Variants in MORC1 observed in about 807,000 individuals in gnomAD.
The protein encoded by MORC1 is MORC family CW-type zinc finger 1, also known as MORC family CW-type zinc finger protein 1.
MORC1 carries 59 observed loss-of-function variants against 134.9 expected under a neutral mutation model. That is an observed-to-expected ratio of 0.44 (90% CI 0.35 to 0.54). The LOEUF is 0.54. Among genes scored for constraint, MORC1 ranks in the 20% least tolerant of loss-of-function variants. The pLI, the probability that MORC1 is intolerant of heterozygous loss-of-function variation, is 0.00. For synonymous variants in MORC1, 395 were observed against 391.7 expected (o/e 1.01, Z -0.10); for missense variants, 947 against 1,134.5 (o/e 0.83, Z 2.37).
intron 3 of MORC1, among the ~76,000 whole-genome samples, chr3:109,106,835 G>A (rs946453390): frequency 6.6e-6 from 1 of 152,138 alleles, no homozygotes; most frequent in Admixed American, 6.5e-5. Context: ...ACAGGGTGCA[G>A]CCAGTCTTCC....
At chr3:109,054,946 C>G in intron 13 of MORC1, 64 bp from the exon 14 acceptor site, 1 of 1,408,532 alleles carries the variant, frequency 7.1e-7, no homozygotes, top group Non-Finnish European at 9.7e-7. Context: ...CAAATATATT[C>G]TGGTCATTTG....
chr3:109,043,179 GGCAAAA>G lies in MORC1; in HGVS notation c.1331-7717_1331-7712del, dbSNP rs1559914977. 1.6e-3 allele frequency among the ~76,000 whole-genome samples: 44 copies of G among 26,672 alleles called. 1 individual carries two copies. The highest frequency in any genetic ancestry group is 4.8e-3 in the African/African-American group (42 of 8,666). The allele number at this position is 26,672 out of a possible 152,430, so 17.5% of individuals were successfully genotyped here. A position where few individuals can be genotyped will look rare whatever the true frequency, so the allele number is the denominator to read the frequency against. ...ACAGATGAATGGATAAGCAAAATGT[GGCAAAA>G]TGTGGGGGGGGGGGGGTGTGTATAA... is the stretch of plus-strand genomic sequence containing the variant. On this transcript the variant is annotated intron_variant, in intron 14 of 27. Transcript: ENST00000232603.
rs375007048 is a variant in MORC1 at position 109,077,567 on chromosome 3, A to T, written c.690-7810T>A. On this transcript the variant is annotated intron_variant, in intron 8 of 27. Transcript: ENST00000232603. ...TAAAACTAATCCACTGAAAGTATAT[A>T]ATGGAGCAACTAATTTGCAAATCAT... Among the ~76,000 whole-genome samples the T allele has an allele frequency of 5.9e-5, 9 of 152,264 alleles. No homozygotes were observed. The East Asian group carries it at 1.3e-3, about 23-fold the overall frequency.
rs1482550039 is a variant in MORC1 at position 109,005,621 on chromosome 3, T to TC, written c.1768-307dup. ...CAATAGAGGTTCGCTTGCCTTTGGCTCCCCGCTGCAAACAAGGCTGGTCGT... is the reference window on the plus strand; with the variant it reads ...CAATAGAGGTTCGCTTGCCTTTGGCTCCCCCGCTGCAAACAAGGCTGGTCGT... On this transcript the variant is annotated intron_variant, in intron 18 of 27. Coordinates refer to ENST00000232603, the MANE Select transcript of MORC1 (RefSeq NM_014429.4). Among the ~76,000 whole-genome samples the TC allele has an allele frequency of 3.9e-5, 6 of 152,290 alleles. No individual in the cohort carries two copies. The East Asian group carries it at 1.2e-3, about 29-fold the overall frequency.
chr3:108,988,061 T>C (rs1292479360), intron 21 of MORC1, among the ~76,000 whole-genome samples: 1 of 152,148 alleles, frequency 6.6e-6, no homozygotes, highest in Non-Finnish European at 1.5e-5. Context: ...TCATCTTTCA[T>C]GCCCTCTCTA....
chr3:109,087,177 G>A (rs1950630002), intron 8 of MORC1, among the ~76,000 whole-genome samples: 1 of 40,234 alleles, frequency 2.5e-5, no homozygotes, highest in Non-Finnish European at 5.7e-5. Context: ...GAACCACCTG[G>A]CAAACAAGGG....
intron 23 of MORC1, among the ~76,000 whole-genome samples, chr3:108,980,500 C>T (rs2107445948): frequency 6.6e-6 from 1 of 152,298 alleles, no homozygotes; most frequent in African/African-American, 2.4e-5. Flanking sequence ...GATAGGCCCC[C>T]TTTAAAAGTG....
intron 24 of MORC1, among the ~76,000 whole-genome samples, chr3:108,974,400 C>G (rs1947490683): frequency 1.3e-5 from 2 of 152,196 alleles, no homozygotes; most frequent in South Asian, 2.1e-4. Context: ...GAGTCCCTTT[C>G]TTGAATGATA....
chr3:108,978,466 G>A (rs1464320487), intron 24 of MORC1, among the ~76,000 whole-genome samples: 1 of 152,130 alleles, frequency 6.6e-6, no homozygotes, highest in East Asian at 1.9e-4. Context: ...GACAGCAGGT[G>A]GGGTCTTCAT....
At chr3:109,087,360 T>TA (rs1162959212) in intron 8 of MORC1, among the ~76,000 whole-genome samples, 1 of 152,088 alleles carries the variant, frequency 6.6e-6, no homozygotes, top group Non-Finnish European at 1.5e-5. Flanking sequence ...CTTCGGCTAA[T>TA]AAACAACTTT....
intron 1 of MORC1, among the ~76,000 whole-genome samples, chr3:109,116,705 T>C (rs1693698621): frequency 6.6e-6 from 1 of 152,164 alleles, no homozygotes; most frequent in Non-Finnish European, 1.5e-5. Flanking sequence ...ACTTGAGCCC[T>C]GGAGTTCAAG....
At chr3:108,967,340 C>A (rs1378229080) in intron 26 of MORC1, among the ~76,000 whole-genome samples, 2 of 152,122 alleles carry the variant, frequency 1.3e-5, no homozygotes, top group African/African-American at 2.4e-5. Flanking sequence ...TAATTCTTAG[C>A]AAATTTCAAA....
chr3:109,050,116 C>T (rs1361015781), intron 14 of MORC1, among the ~76,000 whole-genome samples: 2 of 152,172 alleles, frequency 1.3e-5, no homozygotes, highest in Non-Finnish European at 2.9e-5. Context: ...TTAGGAATAT[C>T]ACTTCCTCAG....
chr3:109,109,129 T>A (rs1009047872), intron 3 of MORC1, among the ~76,000 whole-genome samples: 4 of 152,088 alleles, frequency 2.6e-5, no homozygotes, highest in Non-Finnish European at 5.9e-5. Context: ...TCTTTGCTTG[T>A]GTGTTAGCTA....
At chr3:109,034,143 T>A (rs1576657157) in intron 15 of MORC1, among the ~76,000 whole-genome samples, 2 of 152,156 alleles carry the variant, frequency 1.3e-5, no homozygotes, top group South Asian at 4.1e-4. Flanking sequence ...ACAACAATAG[T>A]CTCCTGTTCT....
intron 21 of MORC1, among the ~76,000 whole-genome samples, chr3:108,998,607 TA>T (rs1182191036): frequency 6.6e-6 from 1 of 152,116 alleles, no homozygotes; most frequent in African/African-American, 2.4e-5. Context: ...AATTAGAAGA[TA>T]ATTAGGAAGG....
intron 17 of MORC1, among the ~76,000 whole-genome samples, chr3:109,010,049 G>A (rs1465566234): frequency 6.6e-6 from 1 of 152,026 alleles, no homozygotes; most frequent in African/African-American, 2.4e-5. Flanking sequence ...TATACCAGGG[G>A]ACAGCAAACT....
chr3:109,003,174 G>GT (rs1253536583), intron 20 of MORC1, among the ~76,000 whole-genome samples: 1 of 151,916 alleles, frequency 6.6e-6, no homozygotes, highest in Non-Finnish European at 1.5e-5. Flanking sequence ...TCACTAGACT[G>GT]TAAGTTTGAT....
chr3:109,038,877 C>T (rs1242622456), intron 14 of MORC1, among the ~76,000 whole-genome samples: 1 of 152,098 alleles, frequency 6.6e-6, no homozygotes, highest in Non-Finnish European at 1.5e-5. Flanking sequence ...AGCGCGATGC[C>T]TCCAGCTTTG....
Sources: allele counts gnomAD v4.1 joint callset (sites outside exome capture counted in the v4.1 genomes callset), GRCh38; gene constraint gnomAD v4.1.1; transcripts MANE v1.5; gene names NCBI Gene and HGNC (gene_info 2026-07-23, HGNC 2026-07-21).